PWWP2A: variants seen among roughly 807,000 people sequenced by gnomAD.
The protein encoded by PWWP2A is PWWP domain containing 2A, also known as PWWP domain-containing protein 2A.
Under a neutral mutation model 48.5 loss-of-function variants are expected in PWWP2A, and 18 were observed. The ratio of observed to expected loss-of-function variants is 0.37; its 90% CI spans 0.26 to 0.55. The LOEUF (loss-of-function observed/expected upper bound fraction) is 0.55, where lower values mean the gene tolerates loss of function less well. PWWP2A is among the 20% of genes least tolerant of loss of function. PWWP2A has a pLI of 0.81. For synonymous variants in PWWP2A, 396 were observed against 387.7 expected (o/e 1.02, Z -0.25); for missense variants, 867 against 976.4 (o/e 0.89, Z 1.49).
downstream of PWWP2A, among the ~76,000 whole-genome samples, chr5:160,061,456 C>T (rs1222282273): frequency 2.0e-5 from 3 of 152,222 alleles, no homozygotes; most frequent in Admixed American, 2.0e-4. Context: ...TAGACCATGT[C>T]ATGTATCTTT....
chr5:160,067,291 G>T (rs1019593210), intron 2 of PWWP2A, among the ~76,000 whole-genome samples: 5 of 152,036 alleles, frequency 3.3e-5, no homozygotes, highest in Non-Finnish European at 7.4e-5. Flanking sequence ...ACAAAATTTT[G>T]TCTTATGAAA....
chr5:160,104,314 C>A (rs1300700101), intron 1 of PWWP2A, among the ~76,000 whole-genome samples: 1 of 151,518 alleles, frequency 6.6e-6, no homozygotes, highest in East Asian at 1.9e-4. Flanking sequence ...GCCTGTGGTC[C>A]CAGCTACTTG....
At chr5:160,107,918 T>A (rs946523654) in intron 1 of PWWP2A, among the ~76,000 whole-genome samples, 2 of 152,120 alleles carry the variant, frequency 1.3e-5, no homozygotes, top group Admixed American at 1.3e-4. Context: ...CAAGAATTGT[T>A]TGAACCCGAA....
intron 1 of PWWP2A, among the ~76,000 whole-genome samples, chr5:160,102,575 AT>A (rs1756431148): frequency 6.6e-6 from 1 of 152,138 alleles, no homozygotes; most frequent in Non-Finnish European, 1.5e-5. Flanking sequence ...AATGAAAAAA[AT>A]AAATGTATAT....
chr5:160,101,446 C>T (rs1201194208), intron 1 of PWWP2A, among the ~76,000 whole-genome samples: 1 of 152,132 alleles, frequency 6.6e-6, no homozygotes, highest in Non-Finnish European at 1.5e-5. Flanking sequence ...AATCCACTTA[C>T]ATGAAAAGTA....
intron 1 of PWWP2A, among the ~76,000 whole-genome samples, chr5:160,102,385 G>A (rs950242145): frequency 2.7e-4 from 34 of 123,868 alleles, no homozygotes; most frequent in Middle Eastern, 6.2e-3. Flanking sequence ...GCAACCAGGC[G>A]AGACTCCATC....
chr5:160,065,886 A>G (rs1273206298), intron 4 of PWWP2A, among the ~76,000 whole-genome samples: 1 of 152,216 alleles, frequency 6.6e-6, no homozygotes, highest in African/African-American at 2.4e-5. Flanking sequence ...CTTTTAAACT[A>G]CATGAACCTA....
chr5:160,058,289 T>G (rs887406917), downstream of PWWP2A, among the ~76,000 whole-genome samples: 2 of 152,266 alleles, frequency 1.3e-5, no homozygotes, highest in African/African-American at 4.8e-5. Context: ...AGCAACTTCC[T>G]CCACTGAAGT....
exon 3 of PWWP2A, chr5:160,066,807 A>C (rs1016960274): frequency 2.6e-5 from 4 of 152,118 alleles, no homozygotes; most frequent in African/African-American, 7.2e-5. Flanking sequence ...TGGGAGGCCA[A>C]CGCAGGAGTA....
rs372145230 is a variant in PWWP2A at position 160,100,256 on chromosome 5, T to C, written c.585-6191A>G. On this transcript the variant is annotated intron_variant, in intron 1 of 1. Transcript: ENST00000307063. ...ACGGTGGCTGCAGTGAGTCAAAATA[T>C]CGCACCACTGCACGCACTCCAGCCT... is the stretch of plus-strand genomic sequence containing the variant. Among the ~76,000 whole-genome samples the C allele has an allele frequency of 1.9e-4, 29 of 152,142 alleles. No individual in the cohort carries two copies. The East Asian group carries it at 4.5e-3, about 23-fold the overall frequency.
chr5:160,044,446 G>A, the PWWP2A span, among the ~76,000 whole-genome samples: 1 of 152,218 alleles, frequency 6.6e-6, no homozygotes, highest in Admixed American at 6.5e-5. Context: ...CTAAGCAAGG[G>A]GTGGATTACT....
At chr5:160,110,972 CAAAAAAAAAAAAA>C (rs1195225635) in intron 1 of PWWP2A, among the ~76,000 whole-genome samples, 1 of 54,128 alleles carries the variant, frequency 1.8e-5, no homozygotes, top group East Asian at 6.1e-4. Context: ...GACTCTGTCT[CAAAAAAAAAAAAA>C]AAAAAAAAAT....
chr5:160,095,149 T>C (rs934428103), intron 1 of PWWP2A, among the ~76,000 whole-genome samples: 2 of 148,096 alleles, frequency 1.4e-5, no homozygotes, highest in African/African-American at 5.0e-5. Context: ...TTTCACCAAG[T>C]ACTTAACCTT....
Position 160,108,758 on chromosome 5 carries a change from GTA to G in PWWP2A, c.584+10045_584+10046del, listed in dbSNP as rs534531362. On this transcript the variant is annotated intron_variant, in intron 1 of 1. Transcript: ENST00000307063. ...ATTTTTAATCCAACAGTACCCCCAT[GTA>G]CACACACACAGTATTTGTAAAAACA... 167 of 400,440 alleles carry G rather than the reference GTA, an allele frequency of 4.2e-4. 1 individual carries two copies. Among genetic ancestry groups the G allele is most frequent in the African/African-American group, 3.3e-3 (159 of 48,238 alleles). The allele number at this position is 400,440 out of a possible 1,614,324, so 24.8% of individuals were successfully genotyped here.
chr5:160,049,662 G>A, the PWWP2A span: 2 of 1,566,522 alleles, frequency 1.3e-6, no homozygotes, highest in Non-Finnish European at 8.6e-7. Flanking sequence ...AAGCTTGTAT[G>A]GTAAAACCTA....
Position 160,093,879 on chromosome 5 carries a change from C to T in PWWP2A, c.771G>A (p.Leu257=). Residue 257 remains leucine, a synonymous_variant, in exon 2 of 2, where the codon CTG becomes CTA. Coordinates refer to ENST00000307063, the MANE Select transcript of PWWP2A (RefSeq NM_001130864.2). This position sits in a 1 kb window ranked among gnomAD's most constrained non-coding sequence, Gnocchi z 5.8. ...AGAGAGGTGGTGGTTTGGAAGTCCA[C>T]AGGCTTTCAGCCAAGCTCAGCTCGG... The part of the protein sequence containing the change: ...PHPELSLAES[L]WTSKPPPLFH... 3 of 1,614,054 alleles carry T rather than the reference C, an allele frequency of 1.9e-6. No homozygotes were observed. Among genetic ancestry groups the T allele is most frequent in the Non-Finnish European group, 8.5e-7 (1 of 1,179,898 alleles).
intron 1 of PWWP2A, among the ~76,000 whole-genome samples, chr5:160,116,296 A>T (rs1375150538): frequency 2.0e-5 from 3 of 152,048 alleles, no homozygotes; most frequent in African/African-American, 4.8e-5. Flanking sequence ...CGCTCAAGTG[A>T]TCTGCCTGCC....
At chr5:160,086,265 C>A (rs1262696701) in intron 2 of PWWP2A, among the ~76,000 whole-genome samples, 1 of 152,078 alleles carries the variant, frequency 6.6e-6, no homozygotes, top group African/African-American at 2.4e-5. Flanking sequence ...TACCTGTAAC[C>A]CCACCACTTT....
chr5:160,082,812 G>A (rs1315564848), intron 2 of PWWP2A, among the ~76,000 whole-genome samples: 1 of 152,130 alleles, frequency 6.6e-6, no homozygotes, highest in Non-Finnish European at 1.5e-5. Flanking sequence ...TGGAGGGAGA[G>A]ACCCATGAAA....
Sources: allele counts gnomAD v4.1 joint callset (sites outside exome capture counted in the v4.1 genomes callset), GRCh38; gene constraint gnomAD v4.1.1; non-coding constraint Gnocchi (gnomAD v3.1); transcripts MANE v1.5; gene names NCBI Gene and HGNC (gene_info 2026-07-23, HGNC 2026-07-21).